The following NEO1 variants were observed in gnomAD, a reference collection of about 807,000 sequenced individuals.
NEO1 encodes neogenin.
A neutral mutation model predicts 159.7 loss-of-function variants in NEO1; 63 were observed. The ratio of observed to expected loss-of-function variants is 0.39; its 90% CI spans 0.32 to 0.49. The LOEUF (loss-of-function observed/expected upper bound fraction) is 0.49, where lower values mean the gene tolerates loss of function less well. Ranked by LOEUF, NEO1 falls within the 20% of genes least tolerant of loss-of-function variation. The probability of loss-of-function intolerance (pLI) is 0.85; values close to 1 mark genes in which losing one functional copy is unlikely to be tolerated. For missense variants in NEO1, 1,615 were observed against 1,831.0 expected, an observed-to-expected ratio of 0.88 and a Z score of 2.15; for synonymous variants, 633 against 662.0, an observed-to-expected ratio of 0.96 and a Z score of 0.67.
At chr15:73,260,156 GT>G (rs2040557079) in intron 14 of NEO1, 114 bp from the exon 15 acceptor site, 1 of 789,408 alleles carries the variant, frequency 1.3e-6, no homozygotes, top group Non-Finnish European at 1.9e-6. Flanking sequence ...TGGGCATAAT[GT>G]AAAAAACTTA....
intron 11 of NEO1, among the ~76,000 whole-genome samples, chr15:73,252,544 C>T (rs1030174428): frequency 1.3e-5 from 2 of 152,200 alleles, no homozygotes; most frequent in African/African-American, 4.8e-5. Context: ...TTGGGAACTG[C>T]CTTCAAAACC....
chr15:73,143,075 G>C (rs2032556416), intron 5 of NEO1, among the ~76,000 whole-genome samples: 2 of 152,218 alleles, frequency 1.3e-5, no homozygotes, highest in South Asian at 4.1e-4. Flanking sequence ...GCAAAGCTGA[G>C]TGACAGAACG....
chr15:73,100,453 G>A (rs1180854585), intron 1 of NEO1, among the ~76,000 whole-genome samples: 1 of 151,712 alleles, frequency 6.6e-6, no homozygotes. Flanking sequence ...TCCTGCCTCA[G>A]CCTCTCAAGT....
At chr15:73,239,915 G>A (rs1267196401) in intron 8 of NEO1, among the ~76,000 whole-genome samples, 1 of 152,148 alleles carries the variant, frequency 6.6e-6, no homozygotes, top group Admixed American at 6.5e-5. Flanking sequence ...CTCAACCAGG[G>A]ACAGTTTTGC....
At chr15:73,122,386 A>G in intron 2 of NEO1, 139 bp from the exon 3 acceptor site, 1 of 720,872 alleles carries the variant, frequency 1.4e-6, no homozygotes, top group Non-Finnish European at 2.2e-6. Flanking sequence ...GTATTTAGCT[A>G]ATTTCCATGG....
intron 1 of NEO1, among the ~76,000 whole-genome samples, chr15:73,062,402 A>T (rs1302139243): frequency 6.6e-6 from 1 of 152,228 alleles, no homozygotes; most frequent in East Asian, 1.9e-4. Flanking sequence ...GTAATTAAGA[A>T]TAGGAATAAT....
intron 23 of NEO1, among the ~76,000 whole-genome samples, chr15:73,287,944 C>T (rs2042013128): frequency 6.6e-6 from 1 of 151,728 alleles, no homozygotes; most frequent in South Asian, 2.1e-4. Context: ...CCCTCTACTC[C>T]ATTGTTATGT....
At chr15:73,133,436 G>T (rs2031380297) in intron 4 of NEO1, among the ~76,000 whole-genome samples, 1 of 152,158 alleles carries the variant, frequency 6.6e-6, no homozygotes. Flanking sequence ...AAAGCTACAT[G>T]TTGGGTGCAG....
intron 4 of NEO1, among the ~76,000 whole-genome samples, chr15:73,131,914 C>A (rs1298143518): frequency 6.6e-6 from 1 of 152,192 alleles, no homozygotes; most frequent in Non-Finnish European, 1.5e-5. Context: ...TTTGCATGTG[C>A]TAGTCTATCT....
At chr15:73,290,347 TCTC>T (rs553444951) in intron 25 of NEO1, among the ~76,000 whole-genome samples, 8 of 145,788 alleles carry the variant, frequency 5.5e-5, no homozygotes, top group African/African-American at 1.5e-4. Flanking sequence ...TTCAAGCAAT[TCTC>T]CTGCCTCGGC....
intron 1 of NEO1, among the ~76,000 whole-genome samples, chr15:73,112,102 C>T (rs2071029773): frequency 6.6e-6 from 1 of 152,026 alleles, no homozygotes; most frequent in Non-Finnish European, 1.5e-5. Flanking sequence ...TTCTCAATGC[C>T]CATATAATCA....
At chr15:73,152,171 A>G (rs1171300009) in intron 5 of NEO1, among the ~76,000 whole-genome samples, 1 of 152,178 alleles carries the variant, frequency 6.6e-6, no homozygotes, top group Non-Finnish European at 1.5e-5. Flanking sequence ...CCTTTGTTAC[A>G]GTCTTCTCTT....
At position 73,303,040 on chromosome 15, in the gene NEO1, CTT is replaced by C; in HGVS notation, c.*346_*347del. 1 of 227,888 alleles carries C rather than the reference CTT, an allele frequency of 4.4e-6. No individual in the cohort carries two copies. Among genetic ancestry groups the C allele is most frequent in the Non-Finnish European group, 8.9e-6 (1 of 112,510 alleles). 14.1% of individuals were successfully genotyped at this position (227,888 alleles called of 1,614,324 possible). ...TGTCTTTGTGCTGTGACTGCATCAC[CTT>C]TATGGAGTGTAGACATTGGCATTTA... On this transcript the variant is annotated 3_prime_UTR_variant, in exon 29 of 29. Transcript: ENST00000261908.
At chr15:73,130,789 C>A (rs1326706710) in intron 4 of NEO1, among the ~76,000 whole-genome samples, 1 of 152,218 alleles carries the variant, frequency 6.6e-6, no homozygotes, top group African/African-American at 2.4e-5. Flanking sequence ...GGGGTGGTAT[C>A]AAAGGAGGCC....
intron 7 of NEO1, among the ~76,000 whole-genome samples, chr15:73,184,969 G>A (rs932478386): frequency 3.3e-5 from 5 of 152,020 alleles, no homozygotes; most frequent in Non-Finnish European, 7.4e-5. Flanking sequence ...AAAGAAATGA[G>A]CTGTCAAACC....
Position 73,272,511 on chromosome 15 carries a change from A to T in NEO1, c.2914A>T (p.Thr972Ser). 1 of 1,614,032 alleles carries T rather than the reference A, an allele frequency of 6.2e-7. No homozygotes were observed. Among genetic ancestry groups the T allele is most frequent in the Non-Finnish European group, 8.5e-7 (1 of 1,179,912 alleles). Reference sequence around the variant, plus strand: ...TGTGAGTAAAGAGGGGAAACCTAAGACCATAATTGTGAATTGGCAGCCTCC... The same window carrying T: ...TGTGAGTAAAGAGGGGAAACCTAAGTCCATAATTGTGAATTGGCAGCCTCC... ...TVVSKEGKPK[T>S]IIVNWQPPSE... Residue 972 changes from threonine (T) to serine (S), a missense_variant, in exon 19 of 29, where the codon ACC (threonine) becomes TCC (serine). Around this residue, in one of 3 missense-constraint regions of NEO1, gnomAD observed 126 missense variants for 216.7 expected, o/e 0.58. Transcript: ENST00000261908.
At chr15:73,163,584 A>C (rs1293079784) in intron 5 of NEO1, among the ~76,000 whole-genome samples, 1 of 152,196 alleles carries the variant, frequency 6.6e-6, no homozygotes, top group Non-Finnish European at 1.5e-5. Flanking sequence ...CAGGACTATA[A>C]TCAGTATTTA....
chr15:73,173,931 C>G (rs1338074890), intron 5 of NEO1, among the ~76,000 whole-genome samples: 1 of 151,894 alleles, frequency 6.6e-6, no homozygotes, highest in Non-Finnish European at 1.5e-5. Flanking sequence ...GAAACCCTGT[C>G]TCTACTAAAA....
intron 7 of NEO1, among the ~76,000 whole-genome samples, chr15:73,224,273 GATGA>G (rs2038450825): frequency 1.3e-5 from 2 of 152,188 alleles, no homozygotes; most frequent in African/African-American, 4.8e-5. Context: ...TAAGCACACT[GATGA>G]CAGTGTGCTT....
Sources: allele counts gnomAD v4.1 joint callset (sites outside exome capture counted in the v4.1 genomes callset), GRCh38; gene constraint gnomAD v4.1.1; regional missense constraint gnomAD v4.1.1; transcripts MANE v1.5; gene names NCBI Gene and HGNC (gene_info 2026-07-23, HGNC 2026-07-21).